The following PTDSS2 variants were observed in gnomAD, a reference collection of about 807,000 sequenced individuals.
The protein encoded by PTDSS2 is phosphatidylserine synthase 2.
PTDSS2 carries 41 observed loss-of-function variants against 64.7 expected under a neutral mutation model. The ratio of observed to expected loss-of-function variants is 0.63; its 90% CI spans 0.49 to 0.82. The LOEUF (loss-of-function observed/expected upper bound fraction) is 0.82. Among genes scored for constraint, PTDSS2 ranks in the 40% least tolerant of loss-of-function variants. The pLI, the probability that PTDSS2 is intolerant of heterozygous loss-of-function variation, is 0.00. For missense variants in PTDSS2, 485 were observed against 650.0 expected, an observed-to-expected ratio of 0.75 and a Z score of 2.76; for synonymous variants, 297 against 277.8, an observed-to-expected ratio of 1.07 and a Z score of -0.69.
In PTDSS2 at chr11:488,858, G is replaced by A. The variant is rs1358911850; in HGVS notation, c.854+211G>A. 2.6e-5 allele frequency among the ~76,000 whole-genome samples: 4 copies of A among 152,206 alleles called. No individual in the cohort carries two copies. In the South Asian group the frequency reaches 8.3e-4, roughly 32 times the overall value. On this transcript the variant is annotated intron_variant, in intron 8 of 11. Coordinates refer to ENST00000308020, the MANE Select transcript of PTDSS2 (RefSeq NM_030783.3). ...ACAGTGGCCATGGCGTCTGACCCAC[G>A]TACCTCCCTCCTCAATCCCTGGCCG...
chr11:480,867 G>A (rs1005867788), intron 4 of PTDSS2, among the ~76,000 whole-genome samples: 2 of 152,194 alleles, frequency 1.3e-5, no homozygotes, highest in African/African-American at 2.4e-5. Flanking sequence ...CGGATCACAA[G>A]GTCAGGAGAT....
chr11:449,105 T>C (rs544073163), upstream of PTDSS2, among the ~76,000 whole-genome samples: 5 of 150,228 alleles, frequency 3.3e-5, no homozygotes, highest in African/African-American at 1.2e-4. Context: ...TCTCGCTCTG[T>C]CGCCCAGGAT....
At chr11:459,385 G>A (rs1015690242) in intron 1 of PTDSS2, 1 of 151,110 alleles carries the variant, frequency 6.6e-6, no homozygotes, top group African/African-American at 2.5e-5. Flanking sequence ...GACACACTCT[G>A]GTGGATGTAG....
intron 1 of PTDSS2, among the ~76,000 whole-genome samples, chr11:453,383 C>T (rs1357436838): frequency 3.9e-5 from 6 of 152,202 alleles, no homozygotes; most frequent in East Asian, 1.9e-4. Flanking sequence ...CTGTGGGAGA[C>T]GCTGAAGCAG....
In PTDSS2 at chr11:462,550, G is replaced by T. The variant is rs1357188738; in HGVS notation, c.284+2262G>T. Among the ~76,000 whole-genome samples, 1 of 152,166 alleles carries T rather than the reference G, an allele frequency of 6.6e-6. No homozygotes were observed. The highest frequency in any genetic ancestry group is 1.5e-5 in the Non-Finnish European group (1 of 68,014). On this transcript the variant is annotated intron_variant, in intron 2 of 11. Transcript: ENST00000308020. The surrounding 1 kb of genome is among the most constrained non-coding windows in gnomAD (Gnocchi z 4.5). ...GCTGCTGGCACCTAGAACCTGCTCTGGGCTCCTTCCTGGAAGGCTCGGCTG... is the reference window on the plus strand; with the variant it reads ...GCTGCTGGCACCTAGAACCTGCTCTTGGCTCCTTCCTGGAAGGCTCGGCTG...
chr11:486,288 C>T (rs1413540870), intron 4 of PTDSS2, among the ~76,000 whole-genome samples: 4 of 140,484 alleles, frequency 2.8e-5, no homozygotes, highest in East Asian at 2.5e-4. Flanking sequence ...AGCGCGCATG[C>T]GGGGAGGGGT....
At chr11:482,134 C>T (rs1848100842) in intron 4 of PTDSS2, among the ~76,000 whole-genome samples, 1 of 152,036 alleles carries the variant, frequency 6.6e-6, no homozygotes, top group Non-Finnish European at 1.5e-5. Context: ...GCATGAGCCA[C>T]CGTGCCCGGC....
At chr11:486,249 A>G (rs1435405141) in intron 4 of PTDSS2, among the ~76,000 whole-genome samples, 1 of 146,988 alleles carries the variant, frequency 6.8e-6, no homozygotes, top group Non-Finnish European at 1.5e-5. Context: ...AGGTTCCACA[A>G]GGGCGACTCC....
chr11:450,173 C>A, upstream of PTDSS2: 1 of 323,940 alleles, frequency 3.1e-6, no homozygotes. Flanking sequence ...GGCGGTCCGG[C>A]TCCGGTTTCC....
intron 3 of PTDSS2, among the ~76,000 whole-genome samples, chr11:474,794 C>A (rs73385895): frequency 0.026 from 3,895 of 152,316 alleles, 165 homozygotes; most frequent in African/African-American, 0.089. Context: ...AATAAAGCTA[C>A]CCACAAATAA....
chr11:459,787 T>G (rs1377609151), intron 1 of PTDSS2: 1 of 203,790 alleles, frequency 4.9e-6, no homozygotes, highest in African/African-American at 2.3e-5. Context: ...CTGCACTGAA[T>G]CTCAGATGTT....
chr11:453,294 C>T (rs372746528), intron 1 of PTDSS2, among the ~76,000 whole-genome samples: 9 of 152,138 alleles, frequency 5.9e-5, no homozygotes, highest in Non-Finnish European at 1.2e-4. Context: ...TGTGGCAGCT[C>T]ATGCGGTCTG....
intron 1 of PTDSS2, chr11:459,351 T>C (rs1846759499): frequency 6.7e-6 from 1 of 150,092 alleles, no homozygotes; most frequent in African/African-American, 2.6e-5. Flanking sequence ...CTCCGGTGGA[T>C]GTAGGACCTG....
intron 1 of PTDSS2, among the ~76,000 whole-genome samples, chr11:456,361 G>A (rs1389488496): frequency 3.4e-5 from 5 of 147,742 alleles, no homozygotes; most frequent in Non-Finnish European, 7.5e-5. Flanking sequence ...TTTTTTGGTA[G>A]AAATAGGGTC....
intron 4 of PTDSS2, among the ~76,000 whole-genome samples, chr11:485,785 C>T (rs1353866973): frequency 2.8e-5 from 3 of 107,360 alleles, no homozygotes; most frequent in Non-Finnish European, 5.6e-5. Flanking sequence ...GTGTGCTCAC[C>T]GTGCGCGCAG....
At chr11:454,456 C>T (rs1846490934) in intron 1 of PTDSS2, among the ~76,000 whole-genome samples, 1 of 152,170 alleles carries the variant, frequency 6.6e-6, no homozygotes, top group Non-Finnish European at 1.5e-5. Context: ...CTGGGCTACA[C>T]AAGGAGTGAG....
In PTDSS2 at chr11:479,011, A is replaced by G; in HGVS notation, c.368-74A>G. 8.0e-7 allele frequency: 1 copy of G among 1,250,728 alleles called. No homozygotes were observed. Among genetic ancestry groups the G allele is most frequent in the South Asian group, 1.2e-5 (1 of 82,944 alleles). 77.5% of individuals were successfully genotyped at this position (1,250,728 alleles called of 1,614,324 possible). A position where few individuals can be genotyped will look rare whatever the true frequency, so the allele number is the denominator to read the frequency against. On this transcript the variant is annotated intron_variant, in intron 3 of 11. Transcript: ENST00000308020. The surrounding 1 kb of genome is among the most constrained non-coding windows in gnomAD (Gnocchi z 4.2). ...AGACACTGGGTGTGAAGGAGCCAGGAGCCGGCCTGGGGCTGAGCGGGGCCG... is the reference window on the plus strand; with the variant it reads ...AGACACTGGGTGTGAAGGAGCCAGGGGCCGGCCTGGGGCTGAGCGGGGCCG...
At chr11:474,613 C>G (rs1847636403) in intron 3 of PTDSS2, among the ~76,000 whole-genome samples, 1 of 152,228 alleles carries the variant, frequency 6.6e-6, no homozygotes, top group Admixed American at 6.5e-5. Flanking sequence ...CCAGAGCATC[C>G]CGCCAATCTC....
intron 5 of PTDSS2, 117 bp from the exon 6 acceptor site, chr11:487,303 T>A: frequency 9.3e-7 from 1 of 1,073,078 alleles, no homozygotes; most frequent in South Asian, 1.3e-5. Flanking sequence ...CACCTGTGAG[T>A]CCCTGGCCTT....
Sources: allele counts gnomAD v4.1 joint callset (sites outside exome capture counted in the v4.1 genomes callset), GRCh38; gene constraint gnomAD v4.1.1; non-coding constraint Gnocchi (gnomAD v3.1); transcripts MANE v1.5; gene names NCBI Gene and HGNC (gene_info 2026-07-23, HGNC 2026-07-21).